The following ING3 variants were observed in gnomAD, a reference collection of about 807,000 sequenced individuals.
The protein encoded by ING3 is inhibitor of growth family member 3, also known as inhibitor of growth protein 3.
In ING3, 6 loss-of-function variants were observed where a neutral mutation model predicts 64.8. The ratio of observed to expected loss-of-function variants is 0.09; its 90% CI spans 0.05 to 0.18. The LOEUF (loss-of-function observed/expected upper bound fraction) is 0.18. Ranked by LOEUF, ING3 falls within the 10% of genes least tolerant of loss-of-function variation. ING3 has a pLI of 1.00. For missense variants in ING3, 310 were observed against 489.7 expected (o/e 0.63, Z 3.46); for synonymous variants, 170 against 173.7 (o/e 0.98, Z 0.17).
chr7:120,965,705 G>A (rs1795988783), intron 5 of ING3, among the ~76,000 whole-genome samples: 1 of 152,058 alleles, frequency 6.6e-6, no homozygotes, highest in Non-Finnish European at 1.5e-5. Flanking sequence ...CTACTCACTA[G>A]AAGTCAGCTA....
At chr7:120,951,107 C>G (rs1795756196) in intron 1 of ING3, 57 bp from the exon 2 acceptor site, 24 of 1,579,234 alleles carry the variant, frequency 1.5e-5, no homozygotes, top group South Asian at 2.2e-5. Flanking sequence ...CGCGCAGTGA[C>G]GTAAGCGCGT....
At chr7:120,958,203 ATTATT>A (rs996641065) in intron 4 of ING3, among the ~76,000 whole-genome samples, 3 of 133,458 alleles carry the variant, frequency 2.2e-5, no homozygotes, top group Non-Finnish European at 4.9e-5. Flanking sequence ...CTTCCTTTTT[ATTATT>A]TTTTTTCTTT....
chr7:120,963,125 A>G (rs993785629), intron 4 of ING3, among the ~76,000 whole-genome samples: 3 of 152,164 alleles, frequency 2.0e-5, no homozygotes, highest in African/African-American at 4.8e-5. Context: ...AATTTTGACA[A>G]TGAAAGAGGT....
chr7:120,969,316 C>T (rs1796037776), intron 9 of ING3, 112 bp downstream of exon 9: 1 of 685,430 alleles, frequency 1.5e-6, no homozygotes, highest in African/African-American at 1.9e-5. Context: ...TAAAATTAAC[C>T]TTGCAGAGGT....
At chr7:120,950,976 GAGCGCGAGTGGACGGGC>G in intron 1 of ING3, 52 bp downstream of exon 1, 1 of 1,602,010 alleles carries the variant, frequency 6.2e-7, no homozygotes, top group South Asian at 1.1e-5. Context: ...GGGCGGGCAA[GAGCGCGAGTGGACGGGC>G]AGCGAGATGG....
At position 120,969,100 on chromosome 7, in the gene ING3, G is replaced by A; in HGVS notation, c.804G>A (p.Met268Ile). ...TTCAGTTGGGAAAAGAATTTTCAAT[G>A]GCCAGGGAAACAGTTGGCTATTCAT... is the stretch of plus-strand genomic sequence containing the variant. ...NDFQLGKEFSMARETVGYSSS... is the reference protein window; with the variant it reads ...NDFQLGKEFSIARETVGYSSS... Residue 268 changes from methionine to isoleucine, a missense_variant, in exon 9 of 12, where the codon ATG (methionine) becomes ATA (isoleucine). By Grantham distance (10) the Met-to-Ile change is conservative. Transcript: ENST00000315870. 6.2e-7 allele frequency: 1 copy of A among 1,613,894 alleles called. No individual in the cohort carries two copies.
At chr7:120,959,505 C>G (rs557228874) in intron 4 of ING3, among the ~76,000 whole-genome samples, 1 of 152,168 alleles carries the variant, frequency 6.6e-6, no homozygotes, top group African/African-American at 2.4e-5. Flanking sequence ...TTTTTCTTCT[C>G]TAACTACCCT....
intron 8 of ING3, 127 bp from the exon 9 acceptor site, chr7:120,968,884 A>G: frequency 5.4e-6 from 3 of 559,172 alleles, no homozygotes; most frequent in Non-Finnish European, 8.7e-6. Context: ...TCCAGTGATG[A>G]AAATAATAGT....
At chr7:120,953,703 C>G (rs1294697542) in intron 3 of ING3, among the ~76,000 whole-genome samples, 1 of 151,912 alleles carries the variant, frequency 6.6e-6, no homozygotes, top group Admixed American at 6.6e-5. Flanking sequence ...GTACTGTATT[C>G]CAGTTTTGGC....
At chr7:120,965,679 C>T (rs1169732261) in intron 5 of ING3, among the ~76,000 whole-genome samples, 1 of 152,030 alleles carries the variant, frequency 6.6e-6, no homozygotes, top group Non-Finnish European at 1.5e-5. Context: ...TTTACAGTGC[C>T]AATCTATGTA....
intron 7 of ING3, 84 bp downstream of exon 7, chr7:120,967,732 A>ACCTGGATTTCTT: frequency 2.1e-6 from 3 of 1,404,180 alleles, no homozygotes; most frequent in South Asian, 2.8e-5. Flanking sequence ...TTAATGAATC[A>ACCTGGATTTCTT]TACAGTTTCT....
chr7:120,950,804 A>G lies in ING3; in HGVS notation c.-93A>G, dbSNP rs1584984670. 6.0e-5 allele frequency: 26 copies of G among 430,606 alleles called. No homozygotes were observed. Among genetic ancestry groups the G allele is most frequent in the South Asian group, 1.1e-4 (4 of 37,098 alleles). The allele number at this position is 430,606 out of a possible 1,614,324, so 26.7% of individuals were successfully genotyped here. On this transcript the variant is annotated 5_prime_UTR_variant, in exon 1 of 12. Coordinates refer to ENST00000315870, the MANE Select transcript of ING3 (RefSeq NM_019071.3). ...GGAGTCGAGCGGGTGCTGCTAGCGGAGGCGCCATATTGGAGGGGACAAAAC... is the reference window on the plus strand; with the variant it reads ...GGAGTCGAGCGGGTGCTGCTAGCGGGGGCGCCATATTGGAGGGGACAAAAC...
chr7:120,951,089 G>T, intron 1 of ING3, 75 bp from the exon 2 acceptor site: 1 of 1,565,922 alleles, frequency 6.4e-7, no homozygotes, highest in South Asian at 1.1e-5. Flanking sequence ...CGACCCCCCT[G>T]ACGCACGCGC....
intron 4 of ING3, among the ~76,000 whole-genome samples, chr7:120,958,790 A>C (rs1205442795): frequency 6.6e-6 from 1 of 152,340 alleles, no homozygotes; most frequent in African/African-American, 2.4e-5. Context: ...AAAAGAACTC[A>C]GGCAATCTAA....
chr7:120,954,224 G>A (rs996635151), intron 3 of ING3, among the ~76,000 whole-genome samples: 1 of 152,030 alleles, frequency 6.6e-6, no homozygotes, highest in Non-Finnish European at 1.5e-5. Flanking sequence ...TCAGGAGTTC[G>A]AGACCAGCCT....
chr7:120,960,932 G>T (rs1361177505), intron 4 of ING3, among the ~76,000 whole-genome samples: 2 of 152,274 alleles, frequency 1.3e-5, no homozygotes, highest in African/African-American at 4.8e-5. Flanking sequence ...GATAAAATTT[G>T]AGCTTTTAGT....
At chr7:120,959,579 A>G (rs767342979) in intron 4 of ING3, among the ~76,000 whole-genome samples, 4 of 148,446 alleles carry the variant, frequency 2.7e-5, no homozygotes, top group Admixed American at 6.7e-5. Flanking sequence ...CCTTGTAGTC[A>G]TTCAGATTAG....
chr7:120,972,050 C>T (rs549196510), intron 10 of ING3, among the ~76,000 whole-genome samples: 162 of 152,014 alleles, frequency 1.1e-3, no homozygotes, highest in Non-Finnish European at 1.8e-3. Flanking sequence ...CTAATGGTGT[C>T]GGCTGATTTT....
chr7:120,963,944 G>C (rs1397411965), intron 4 of ING3, among the ~76,000 whole-genome samples: 3 of 152,046 alleles, frequency 2.0e-5, no homozygotes, highest in African/African-American at 7.2e-5. Context: ...AAGAATTTGT[G>C]TATTTTTTGG....
Sources: gnomAD v4.1 joint callset for allele counts (sites outside exome capture counted in the v4.1 genomes callset) on GRCh38, gnomAD v4.1.1 for gene constraint, MANE v1.5 for transcripts, NCBI Gene and HGNC (gene_info 2026-07-23, HGNC 2026-07-21) for gene names.